Variants in CHL1 observed in about 807,000 individuals in gnomAD.
The protein encoded by CHL1 is neural cell adhesion molecule L1-like protein.
CHL1 carries 96 observed loss-of-function variants against 141.9 expected under a neutral mutation model. The observed-to-expected ratio is 0.68, with a 90% CI of 0.57 to 0.80. CHL1 has a LOEUF of 0.80. Among genes scored for constraint, CHL1 ranks in the 30% least tolerant of loss-of-function variants. The probability of loss-of-function intolerance (pLI) is 0.00; values close to 1 mark genes in which losing one functional copy is unlikely to be tolerated. For synonymous variants in CHL1, 613 were observed against 502.2 expected, an observed-to-expected ratio of 1.22 and a Z score of -2.95; for missense variants, 1,820 against 1,457.2, an observed-to-expected ratio of 1.25 and a Z score of -4.05.
At chr3:331,000 T>C (rs1299086446) in intron 5 of CHL1, among the ~76,000 whole-genome samples, 2 of 152,126 alleles carry the variant, frequency 1.3e-5, no homozygotes, top group African/African-American at 2.4e-5. Flanking sequence ...GAACTAAACA[T>C]TGTGGAACAA....
intron 1 of CHL1, among the ~76,000 whole-genome samples, chr3:227,550 T>C (rs1041611983): frequency 2.5e-4 from 38 of 152,156 alleles, no homozygotes; most frequent in Non-Finnish European, 4.9e-4. Context: ...AAGGCATGCA[T>C]AGAAATCAAA....
At chr3:401,270 A>G (rs1035038934) in intron 26 of CHL1, among the ~76,000 whole-genome samples, 5 of 152,202 alleles carry the variant, frequency 3.3e-5, no homozygotes, top group African/African-American at 9.6e-5. Flanking sequence ...ACATCTTCAA[A>G]AAGTTCAGAT....
chr3:357,522 C>A (rs1179461748), intron 11 of CHL1, among the ~76,000 whole-genome samples: 2 of 152,106 alleles, frequency 1.3e-5, no homozygotes, highest in Non-Finnish European at 2.9e-5. Context: ...AACCCAGGTA[C>A]ATTTAAAACC....
chr3:303,867 T>G (rs911739506), intron 2 of CHL1, among the ~76,000 whole-genome samples: 1 of 152,344 alleles, frequency 6.6e-6, no homozygotes, highest in Middle Eastern at 3.4e-3. Flanking sequence ...GGGTTTGCCA[T>G]AAATAGCTCT....
chr3:258,648 T>C (rs192006453), intron 2 of CHL1, among the ~76,000 whole-genome samples: 4 of 152,328 alleles, frequency 2.6e-5, no homozygotes, highest in Non-Finnish European at 4.4e-5. Context: ...TCAGTCCCTT[T>C]TTCCATCTTC....
chr3:332,741 T>C (rs141433748), intron 5 of CHL1, among the ~76,000 whole-genome samples: 1 of 152,176 alleles, frequency 6.6e-6, no homozygotes, highest in African/African-American at 2.4e-5. Flanking sequence ...AAAGTATTGC[T>C]ATGAAAATTG....
intron 1 of CHL1, among the ~76,000 whole-genome samples, chr3:235,749 G>T (rs1691907721): frequency 6.6e-6 from 1 of 152,168 alleles, no homozygotes; most frequent in African/African-American, 2.4e-5. Flanking sequence ...AGATCTAAAA[G>T]ATTATCTATT....
chr3:264,714 C>G lies in CHL1; in HGVS notation c.-95+20022C>G, dbSNP rs186731645. Among the ~76,000 whole-genome samples, 264 of 152,344 alleles carry G rather than the reference C, an allele frequency of 1.7e-3. 2 individuals carry two copies. Among genetic ancestry groups the G allele is most frequent in the East Asian group, 3.3e-3 (17 of 5,190 alleles). On this transcript the variant is annotated intron_variant, in intron 2 of 27. Coordinates refer to ENST00000256509, the MANE Select transcript of CHL1 (RefSeq NM_006614.4). ...TCCTTGGTCTTTTAACAAAGGACAT[C>G]TGACTAATAAAATAGTCTTAGAGTT...
chr3:357,545 C>G (rs1434925495), intron 11 of CHL1, among the ~76,000 whole-genome samples: 1 of 152,134 alleles, frequency 6.6e-6, no homozygotes, highest in Admixed American at 6.6e-5. Flanking sequence ...GAACTAAACC[C>G]AGGAAGGATT....
chr3:254,927 G>A (rs148375034), intron 2 of CHL1, among the ~76,000 whole-genome samples: 3 of 152,206 alleles, frequency 2.0e-5, no homozygotes, highest in South Asian at 4.2e-4. Context: ...TTTGGGAAGG[G>A]ATGCATTCAA....
At chr3:271,604 A>C (rs1695642360) in intron 2 of CHL1, among the ~76,000 whole-genome samples, 1 of 152,244 alleles carries the variant, frequency 6.6e-6, no homozygotes, top group African/African-American at 2.4e-5. Context: ...TTGGAGAAAA[A>C]CTGCTAAAGA....
intron 2 of CHL1, among the ~76,000 whole-genome samples, chr3:285,322 G>C (rs895642329): frequency 6.6e-6 from 1 of 152,148 alleles, no homozygotes; most frequent in African/African-American, 2.4e-5. Context: ...ATCTGATGAA[G>C]TCCCTCCCAC....
chr3:238,499 T>G (rs908018799), intron 1 of CHL1, among the ~76,000 whole-genome samples: 2 of 152,210 alleles, frequency 1.3e-5, no homozygotes, highest in African/African-American at 4.8e-5. Context: ...TCAACATATG[T>G]GTATTAAGCA....
rs1478177087 is a variant in CHL1 at position 349,398 on chromosome 3, C to T, written c.888C>T (p.Asp296=). The T allele has an allele frequency of 6.2e-7, 1 of 1,613,736 alleles. No individual in the cohort carries two copies. The highest frequency in any genetic ancestry group is 1.3e-5 in the African/African-American group (1 of 74,918). Residue 296 remains aspartate, a synonymous_variant, in exon 10 of 28, where the codon GAC becomes GAT. Transcript: ENST00000256509. ...TTGATTGGAACAAAATTGGTGGTGA[C>T]TTACCAAAGGGGAGAGAAACAAAAG... ...PQVDWNKIGG[D]LPKGRETKEN... is the part of the protein sequence containing the mutation.
Position 366,023 on chromosome 3 carries a change from A to T in CHL1, c.1659A>T (p.Glu553Asp). 1 of 1,613,206 alleles carries T rather than the reference A, an allele frequency of 6.2e-7. No homozygotes were observed. The highest frequency in any genetic ancestry group is 1.1e-5 in the South Asian group (1 of 91,056). Residue 553 changes from glutamate (E) to aspartate (D), a missense_variant, in exon 15 of 28, where the codon GAA (glutamate) becomes GAT (aspartate). Physicochemically the swap from Glu to Asp is conservative, Grantham distance 45 (BLOSUM62 2). Transcript: ENST00000256509. ...PKLHMLELHC[E>D]SKCDSHLKHS... ...TGCATATGCTTGAATTACATTGTGA[A>T]AGCAAATGTGACTCACATTTGAAAC...
intron 1 of CHL1, among the ~76,000 whole-genome samples, chr3:203,652 G>T (rs1699151217): frequency 6.6e-6 from 1 of 152,212 alleles, no homozygotes; most frequent in Admixed American, 6.5e-5. Flanking sequence ...GGAAGGAGGT[G>T]GGAGCAGTAG....
At chr3:316,088 T>A (rs750531437) in intron 2 of CHL1, among the ~76,000 whole-genome samples, 27 of 151,994 alleles carry the variant, frequency 1.8e-4, no homozygotes, top group Non-Finnish European at 3.2e-4. Context: ...TACCCTAATC[T>A]TATGTGAATG....
chr3:284,218 G>T lies in CHL1; in HGVS notation c.-94-35465G>T, dbSNP rs151226333. On this transcript the variant is annotated intron_variant, in intron 2 of 27. Coordinates refer to ENST00000256509, the MANE Select transcript of CHL1 (RefSeq NM_006614.4). ...CAGGAAGTTATAAGGGAAAGACAGG[G>T]GGGCTGCATGAGATTAGTGGACAAG... Among the ~76,000 whole-genome samples, 1,382 of 152,264 alleles carry T rather than the reference G, an allele frequency of 9.1e-3. 25 individuals carry two copies. Among genetic ancestry groups the T allele is most frequent in the African/African-American group, 0.032 (1,315 of 41,550 alleles).
chr3:340,832 G>C lies in CHL1; in HGVS notation c.424G>C (p.Glu142Gln). The stretch of plus-strand genomic sequence containing the variant: ...CCCAAAAGAAAAAATTGACCCTCTT[G>C]AAGTGGAGGAGGGAGATCCAATTGT... ...KFPKEKIDPL[E>Q]VEEGDPIVLP... Residue 142 changes from glutamate to glutamine, a missense_variant, in exon 6 of 28, where the codon GAA becomes CAA. Physicochemically the swap from Glu to Gln is conservative, Grantham distance 29. Transcript: ENST00000256509. 6.2e-7 allele frequency: 1 copy of C among 1,612,186 alleles called. No homozygotes were observed. Among genetic ancestry groups the C allele is most frequent in the Non-Finnish European group, 8.5e-7 (1 of 1,178,540 alleles).
Sources: gnomAD v4.1 joint callset for allele counts (sites outside exome capture counted in the v4.1 genomes callset) on GRCh38, gnomAD v4.1.1 for gene constraint, MANE v1.5 for transcripts, NCBI Gene and HGNC (gene_info 2026-07-23, HGNC 2026-07-21) for gene names.